NEDD4L: variants seen among roughly 807,000 people sequenced by gnomAD.
NEDD4L encodes the protein E3 ubiquitin-protein ligase NEDD4-like.
NEDD4L carries 54 observed loss-of-function variants against 148.9 expected under a neutral mutation model. The ratio of observed to expected loss-of-function variants is 0.36; its 90% CI spans 0.29 to 0.45. NEDD4L has a LOEUF of 0.45. NEDD4L is among the 20% of genes least tolerant of loss of function. The pLI is 1.00. For missense variants in NEDD4L, 856 were observed against 1,233.8 expected, an observed-to-expected ratio of 0.69 and a Z score of 4.59; for synonymous variants, 433 against 440.7, an observed-to-expected ratio of 0.98 and a Z score of 0.22.
intron 9 of NEDD4L, among the ~76,000 whole-genome samples, chr18:58,327,140 CT>C (rs1286826023): frequency 6.6e-6 from 1 of 152,214 alleles, no homozygotes; most frequent in Non-Finnish European, 1.5e-5. Flanking sequence ...CAGAGTCTCA[CT>C]CTGTCACCCA....
At chr18:58,276,876 A>G (rs964078709) in intron 5 of NEDD4L, among the ~76,000 whole-genome samples, 12 of 152,202 alleles carry the variant, frequency 7.9e-5, no homozygotes, top group African/African-American at 2.9e-4. Flanking sequence ...TGGAATGCCT[A>G]TGTCCCTGGT....
At chr18:58,217,821 A>G (rs2043309028) in intron 2 of NEDD4L, among the ~76,000 whole-genome samples, 1 of 152,236 alleles carries the variant, frequency 6.6e-6, no homozygotes, top group African/African-American at 2.4e-5. Context: ...GTATATGGAA[A>G]TAGTTTATGA....
chr18:58,374,414 A>C lies in NEDD4L; in HGVS notation c.2352+1145A>C, dbSNP rs117202130. Among the ~76,000 whole-genome samples, 6 of 152,192 alleles carry C rather than the reference A, an allele frequency of 3.9e-5. No homozygotes were observed. The East Asian group carries it at 1.2e-3, about 29-fold the overall frequency. ...GAGACCTTGTGGCTTAATGTAAATG[A>C]TCAAGTCCTTTAAAAATCTCCTTTT... is the stretch of plus-strand genomic sequence containing the variant. On this transcript the variant is annotated intron_variant, in intron 24 of 30. Transcript: ENST00000400345.
intron 5 of NEDD4L, among the ~76,000 whole-genome samples, chr18:58,288,531 TTTAAC>T (rs1414580670): frequency 6.6e-6 from 1 of 152,224 alleles, no homozygotes; most frequent in Non-Finnish European, 1.5e-5. Flanking sequence ...CAGTGAGTGA[TTTAAC>T]TGAATTTTAT....
chr18:58,190,187 T>TA (rs1489229395), intron 2 of NEDD4L, among the ~76,000 whole-genome samples: 1 of 152,170 alleles, frequency 6.6e-6, no homozygotes, highest in African/African-American at 2.4e-5. Flanking sequence ...GCATGCCTGT[T>TA]ATCTAGCAAA....
At chr18:58,283,931 C>A (rs1173528453) in intron 5 of NEDD4L, among the ~76,000 whole-genome samples, 1 of 152,160 alleles carries the variant, frequency 6.6e-6, no homozygotes, top group African/African-American at 2.4e-5. Flanking sequence ...CAGAAACAGA[C>A]ATGCACACTG....
chr18:58,137,435 G>A (rs895332222), intron 1 of NEDD4L, among the ~76,000 whole-genome samples: 4 of 152,194 alleles, frequency 2.6e-5, no homozygotes, highest in African/African-American at 9.7e-5. Flanking sequence ...TGAGGTCGAG[G>A]TGGGTGTGAG....
chr18:58,116,526 G>A (rs2085849998), intron 1 of NEDD4L, among the ~76,000 whole-genome samples: 1 of 152,106 alleles, frequency 6.6e-6, no homozygotes, highest in Admixed American at 6.5e-5. Context: ...CTAAATTTGG[G>A]GCCAGCTCAT....
At chr18:58,147,022 G>T (rs1164150268) in intron 1 of NEDD4L, among the ~76,000 whole-genome samples, 1 of 152,154 alleles carries the variant, frequency 6.6e-6, no homozygotes, top group African/African-American at 2.4e-5. Flanking sequence ...TAAAGGTGTC[G>T]GGCCCAGGAT....
intron 2 of NEDD4L, among the ~76,000 whole-genome samples, chr18:58,229,969 A>G (rs2044916764): frequency 6.6e-6 from 1 of 152,158 alleles, no homozygotes; most frequent in African/African-American, 2.4e-5. Flanking sequence ...AGCCTGGGCG[A>G]CAGAGTGAGA....
chr18:58,164,615 C>A (rs561093428), intron 1 of NEDD4L, among the ~76,000 whole-genome samples: 5 of 152,184 alleles, frequency 3.3e-5, no homozygotes, highest in Non-Finnish European at 7.3e-5. Flanking sequence ...GGATTACAGG[C>A]ACATGCCACC....
chr18:58,099,342 T>C (rs73440837), intron 1 of NEDD4L, among the ~76,000 whole-genome samples: 12,604 of 152,298 alleles, frequency 0.083, 604 homozygotes, highest in Non-Finnish European at 0.11. Flanking sequence ...ATCTGTATTT[T>C]CCTTATAGCA....
intron 2 of NEDD4L, among the ~76,000 whole-genome samples, chr18:58,224,212 A>C (rs1177072955): frequency 6.6e-6 from 1 of 152,250 alleles, no homozygotes; most frequent in African/African-American, 2.4e-5. Flanking sequence ...ACATGCAATT[A>C]TAAACAGCCT....
chr18:58,171,993 C>G (rs1304178702), intron 2 of NEDD4L, among the ~76,000 whole-genome samples: 1 of 152,192 alleles, frequency 6.6e-6, no homozygotes, highest in Non-Finnish European at 1.5e-5. Context: ...AAGGAGCACA[C>G]TCTCTTCTTG....
chr18:58,267,467 G>A (rs1600459916), intron 5 of NEDD4L, among the ~76,000 whole-genome samples: 1 of 152,030 alleles, frequency 6.6e-6, no homozygotes, highest in Non-Finnish European at 1.5e-5. Flanking sequence ...AGGGCAAGGC[G>A]GGAGCTGAGA....
intron 1 of NEDD4L, among the ~76,000 whole-genome samples, chr18:58,117,139 C>T (rs765419335): frequency 6.6e-6 from 1 of 152,340 alleles, no homozygotes; most frequent in Non-Finnish European, 1.5e-5. Flanking sequence ...TGCAGAACCG[C>T]CTCTTTGCTC....
chr18:58,336,513 G>A lies in NEDD4L; in HGVS notation c.1125+976G>A, dbSNP rs980806685. On this transcript the variant is annotated intron_variant, in intron 13 of 30. Coordinates refer to ENST00000400345, the MANE Select transcript of NEDD4L (RefSeq NM_001144967.3). Reference sequence around the variant, plus strand: ...AATGGCGTGAACCCGGGAGGCAGAGGTTGTGGTGAGCTGAGATCGCACCAC... The same window carrying A: ...AATGGCGTGAACCCGGGAGGCAGAGATTGTGGTGAGCTGAGATCGCACCAC... Among the ~76,000 whole-genome samples the A allele has an allele frequency of 3.3e-5, 5 of 151,840 alleles. No homozygotes were observed. The South Asian group carries it at 6.2e-4, about 19-fold the overall frequency.
intron 23 of NEDD4L, chr18:58,372,299 A>G (rs1473937310): frequency 1.9e-4 from 26 of 137,248 alleles, no homozygotes; most frequent in African/African-American, 7.2e-4. Context: ...TTTTTTTTGT[A>G]GTCATGGCGT....
At chr18:58,100,337 A>G (rs1290826498) in intron 1 of NEDD4L, among the ~76,000 whole-genome samples, 2 of 152,218 alleles carry the variant, frequency 1.3e-5, no homozygotes, top group African/African-American at 4.8e-5. Context: ...GTTCCCTTAG[A>G]GGCCAGAGTA....
Sources: allele counts gnomAD v4.1 joint callset (sites outside exome capture counted in the v4.1 genomes callset), GRCh38; gene constraint gnomAD v4.1.1; transcripts MANE v1.5; gene names NCBI Gene and HGNC (gene_info 2026-07-23, HGNC 2026-07-21).